DENND1A: variants seen among roughly 807,000 people sequenced by gnomAD.
DENND1A encodes DENN domain containing 1A, also known as DENN domain-containing protein 1A.
In DENND1A, 51 loss-of-function variants were observed where a neutral mutation model predicts 113.7. The observed-to-expected ratio is 0.45, with a 90% CI of 0.36 to 0.57. The LOEUF is 0.57. Ranked by LOEUF, DENND1A falls within the 20% of genes least tolerant of loss-of-function variation. The pLI, the probability that DENND1A is intolerant of heterozygous loss-of-function variation, is 0.00. For missense variants in DENND1A, 1,258 were observed against 1,395.9 expected, an observed-to-expected ratio of 0.90 and a Z score of 1.57; for synonymous variants, 565 against 570.8, an observed-to-expected ratio of 0.99 and a Z score of 0.14.
rs60761810 is a variant in DENND1A at position 123,728,479 on chromosome 9, C to CAAAAAAAAAAAAAAAAAAAAAAAAAA, written c.302+29198_302+29223dup. Among the ~76,000 whole-genome samples, 18 of 25,194 alleles carry CAAAAAAAAAAAAAAAAAAAAAAAAAA rather than the reference C, an allele frequency of 7.1e-4. 6 individuals are homozygous for CAAAAAAAAAAAAAAAAAAAAAAAAAA. Among genetic ancestry groups the CAAAAAAAAAAAAAAAAAAAAAAAAAA allele is most frequent in the Middle Eastern group, 0.062 (2 of 32 alleles). 16.5% of individuals were successfully genotyped at this position (25,194 alleles called of 152,430 possible). A position where few individuals can be genotyped will look rare whatever the true frequency, so the allele number is the denominator to read the frequency against. On this transcript the variant is annotated intron_variant, in intron 5 of 23. Coordinates refer to ENST00000394215, the MANE Select transcript of DENND1A (RefSeq NM_001352964.2). ...GCAACAATTGCAAAACTCTGTCTCCCAAAAAAAAAAAAAAAAAAAAAAAAA... is the reference window on the plus strand; with the variant it reads ...GCAACAATTGCAAAACTCTGTCTCCCAAAAAAAAAAAAAAAAAAAAAAAAAAAAAAAAAAAAAAAAAAAAAAAAAAA...
intron 13 of DENND1A, among the ~76,000 whole-genome samples, chr9:123,493,417 G>C (rs780583195): frequency 1.3e-5 from 2 of 152,210 alleles, no homozygotes; most frequent in African/African-American, 2.4e-5. Flanking sequence ...GGGTGAAAGA[G>C]GATGGGCGGT....
chr9:123,461,086 C>T (rs909368585), intron 13 of DENND1A, among the ~76,000 whole-genome samples: 7 of 152,242 alleles, frequency 4.6e-5, no homozygotes, highest in African/African-American at 1.2e-4. Flanking sequence ...CTTCCACATA[C>T]CTCATGCTCC....
chr9:123,904,372 G>T (rs530520313), intron 1 of DENND1A, among the ~76,000 whole-genome samples: 1 of 152,098 alleles, frequency 6.6e-6, no homozygotes, highest in Non-Finnish European at 1.5e-5. Flanking sequence ...GATGGAGAAT[G>T]ACTTTGACAA....
intron 2 of DENND1A, among the ~76,000 whole-genome samples, chr9:123,813,628 T>G (rs776516885): frequency 1.3e-5 from 2 of 152,130 alleles, no homozygotes; most frequent in Admixed American, 6.6e-5. Context: ...CGGCTTTACT[T>G]AGACCCGAAA....
chr9:123,850,418 A>T, intron 2 of DENND1A, among the ~76,000 whole-genome samples: 1 of 152,382 alleles, frequency 6.6e-6, no homozygotes, highest in Middle Eastern at 3.4e-3. Context: ...TTTTAAACAT[A>T]ATGCTATTAT....
chr9:123,832,945 TG>T (rs1280696601), intron 2 of DENND1A, among the ~76,000 whole-genome samples: 8 of 151,950 alleles, frequency 5.3e-5, no homozygotes, highest in Middle Eastern at 3.4e-3. Flanking sequence ...AAGACCAGCC[TG>T]GGCAGCACAG....
At chr9:123,835,879 G>T (rs1290420916) in intron 2 of DENND1A, among the ~76,000 whole-genome samples, 1 of 152,124 alleles carries the variant, frequency 6.6e-6, no homozygotes, top group Non-Finnish European at 1.5e-5. Flanking sequence ...ATATAAAAGT[G>T]GGGAGAGCTT....
At chr9:123,819,892 T>A (rs906564552) in intron 2 of DENND1A, among the ~76,000 whole-genome samples, 2 of 152,200 alleles carry the variant, frequency 1.3e-5, no homozygotes, top group African/African-American at 4.8e-5. Flanking sequence ...TTATAAATAA[T>A]CTTCAAATAA....
At chr9:123,592,205 G>C (rs546317791) in intron 11 of DENND1A, among the ~76,000 whole-genome samples, 1 of 152,298 alleles carries the variant, frequency 6.6e-6, no homozygotes, top group South Asian at 2.1e-4. Context: ...TCAATAAAAT[G>C]GATTAGAGTT....
intron 1 of DENND1A, among the ~76,000 whole-genome samples, chr9:123,914,329 G>A (rs2134066254): frequency 6.6e-6 from 1 of 151,976 alleles, no homozygotes; most frequent in South Asian, 2.1e-4. Flanking sequence ...ACGAGGTCAG[G>A]AGATCGAGAC....
chr9:123,621,109 C>T (rs1424447528), intron 10 of DENND1A, among the ~76,000 whole-genome samples: 1 of 152,008 alleles, frequency 6.6e-6, no homozygotes, highest in East Asian at 1.9e-4. Context: ...CCACAACTAT[C>T]CATCTAATCC....
At chr9:123,502,615 T>G (rs775195002) in intron 13 of DENND1A, among the ~76,000 whole-genome samples, 1 of 152,238 alleles carries the variant, frequency 6.6e-6, no homozygotes, top group Non-Finnish European at 1.5e-5. Flanking sequence ...AAAAACATTT[T>G]CACCCATTCT....
At chr9:123,566,447 C>T (rs1338988657) in intron 12 of DENND1A, among the ~76,000 whole-genome samples, 1 of 152,146 alleles carries the variant, frequency 6.6e-6, no homozygotes, top group African/African-American at 2.4e-5. Context: ...CCCTCCCTCT[C>T]CCCTGACAAC....
At chr9:123,851,972 T>C (rs1420891767) in intron 2 of DENND1A, among the ~76,000 whole-genome samples, 1 of 152,188 alleles carries the variant, frequency 6.6e-6, no homozygotes, top group Non-Finnish European at 1.5e-5. Context: ...ACTCTCAGGC[T>C]AGAGCAGGAC....
intron 12 of DENND1A, among the ~76,000 whole-genome samples, chr9:123,579,850 C>T (rs1046388148): frequency 2.6e-5 from 4 of 152,132 alleles, no homozygotes; most frequent in African/African-American, 9.7e-5. Flanking sequence ...CAATAAATAC[C>T]TTACAGACCA....
chr9:123,515,868 G>A (rs2772217), intron 13 of DENND1A, among the ~76,000 whole-genome samples: 123,007 of 151,828 alleles, frequency 0.81, 50,009 homozygotes, highest in East Asian at 0.85. Flanking sequence ...GGAGTTTGAG[G>A]CCAGTCTGGG....
chr9:123,399,517 G>A (rs1253055274), intron 21 of DENND1A, among the ~76,000 whole-genome samples: 2 of 152,106 alleles, frequency 1.3e-5, no homozygotes, highest in African/African-American at 2.4e-5. Flanking sequence ...ACAGGTACAC[G>A]CCACCATGCC....
intron 21 of DENND1A, among the ~76,000 whole-genome samples, chr9:123,398,612 C>T (rs1439761436): frequency 1.3e-5 from 2 of 151,742 alleles, no homozygotes; most frequent in Non-Finnish European, 1.5e-5. Flanking sequence ...CTCCTGACCT[C>T]GTGATCCGCC....
At chr9:123,605,035 T>TA (rs1160558723) in intron 11 of DENND1A, among the ~76,000 whole-genome samples, 1 of 151,926 alleles carries the variant, frequency 6.6e-6, no homozygotes, top group East Asian at 1.9e-4. Context: ...GGTGAGAAAA[T>TA]AGAGACTCAG....
Sources: allele counts gnomAD v4.1 joint callset (sites outside exome capture counted in the v4.1 genomes callset), GRCh38; gene constraint gnomAD v4.1.1; transcripts MANE v1.5; gene names NCBI Gene and HGNC (gene_info 2026-07-23, HGNC 2026-07-21).